PTPRS: variants seen among roughly 807,000 people sequenced by gnomAD.
PTPRS encodes the protein receptor-type tyrosine-protein phosphatase S.
Under a neutral mutation model 215.3 loss-of-function variants are expected in PTPRS, and 63 were observed. The observed-to-expected ratio is 0.29, with a 90% CI of 0.24 to 0.36. The LOEUF (loss-of-function observed/expected upper bound fraction) is 0.36, where lower values mean the gene tolerates loss of function less well. Ranked by LOEUF, PTPRS falls within the 10% of genes least tolerant of loss-of-function variation. PTPRS has a pLI of 1.00. For missense variants in PTPRS, 2,258 were observed against 2,825.8 expected, an observed-to-expected ratio of 0.80 and a Z score of 4.56; for synonymous variants, 1,404 against 1,191.4, an observed-to-expected ratio of 1.18 and a Z score of -3.68.
rs755893720 is a variant in PTPRS, at chr19:5,210,948, C to T, written c.5235-143G>A. 55 of 1,128,966 alleles carry T rather than the reference C, an allele frequency of 4.9e-5. No homozygotes were observed. Among genetic ancestry groups the T allele is most frequent in the African/African-American group, 9.4e-5 (6 of 63,692 alleles). 69.9% of individuals were successfully genotyped at this position (1,128,966 alleles called of 1,614,324 possible). A position where few individuals can be genotyped will look rare whatever the true frequency, so the allele number is the denominator to read the frequency against. On this transcript the variant is annotated intron_variant, in intron 33 of 37. Coordinates refer to ENST00000262963, the MANE Select transcript of PTPRS (RefSeq NM_002850.4). The surrounding 1 kb of genome is among the most constrained non-coding windows in gnomAD (Gnocchi z 4.5). ...GCCTGCCAGGAATGGCTGCTGGGTGCACCACTTCCCCTCCTGGTGATCCCA... is the reference window on the plus strand; with the variant it reads ...GCCTGCCAGGAATGGCTGCTGGGTGTACCACTTCCCCTCCTGGTGATCCCA...
At chr19:5,314,046 A>C (rs1031539211) in intron 1 of PTPRS, among the ~76,000 whole-genome samples, 2 of 151,994 alleles carry the variant, frequency 1.3e-5, no homozygotes, top group African/African-American at 2.4e-5. Flanking sequence ...CTAAGGTGGA[A>C]GGATCGCTTG....
intron 2 of PTPRS, among the ~76,000 whole-genome samples, chr19:5,277,500 C>CA (rs1478750708): frequency 4.6e-5 from 7 of 151,568 alleles, no homozygotes; most frequent in African/African-American, 1.7e-4. Flanking sequence ...ACTAAAAATA[C>CA]AAAAAATTAG....
chr19:5,286,655 C>T (rs2048375550), intron 1 of PTPRS, among the ~76,000 whole-genome samples: 1 of 152,164 alleles, frequency 6.6e-6, no homozygotes, highest in South Asian at 2.1e-4. Flanking sequence ...ATCTGTGTTG[C>T]CTTGATCTTG....
intron 1 of PTPRS, among the ~76,000 whole-genome samples, chr19:5,333,317 T>TA (rs35779005): frequency 6.1e-5 from 9 of 146,422 alleles, no homozygotes; most frequent in African/African-American, 1.5e-4. Flanking sequence ...AAAAAAAAAA[T>TA]AAATAAATAA....
At chr19:5,264,355 C>T (rs2046250398) in intron 5 of PTPRS, among the ~76,000 whole-genome samples, 1 of 152,202 alleles carries the variant, frequency 6.6e-6, no homozygotes, top group African/African-American at 2.4e-5. Context: ...TGCCACCTTC[C>T]ATAGCTCCCT....
chr19:5,206,757 TG>T lies in PTPRS; in HGVS notation c.*16del. The T allele has an allele frequency of 6.2e-7, 1 of 1,611,748 alleles. No homozygotes were observed. Among genetic ancestry groups the T allele is most frequent in the East Asian group, 2.2e-5 (1 of 44,848 alleles). On this transcript the variant is annotated 3_prime_UTR_variant, in exon 38 of 38. Coordinates refer to ENST00000262963, the MANE Select transcript of PTPRS (RefSeq NM_002850.4). ...CATCCGGGGCCAGTGGTGTCGGGCC[TG>T]GGGGGAACCATGGCTTTAGGTTGCA...
At chr19:5,326,859 G>C (rs2050182789) in intron 1 of PTPRS, among the ~76,000 whole-genome samples, 1 of 151,800 alleles carries the variant, frequency 6.6e-6, no homozygotes, top group South Asian at 2.1e-4. Flanking sequence ...AGGAAGGAAG[G>C]AAGGAAAGAA....
intron 1 of PTPRS, among the ~76,000 whole-genome samples, chr19:5,297,940 A>C (rs2049189359): frequency 6.6e-6 from 1 of 151,534 alleles, no homozygotes; most frequent in Non-Finnish European, 1.5e-5. Flanking sequence ...TTACAGGCGC[A>C]CACCACCACG....
intron 1 of PTPRS, among the ~76,000 whole-genome samples, chr19:5,305,697 C>G (rs1254516399): frequency 6.6e-6 from 1 of 150,540 alleles, no homozygotes; most frequent in Non-Finnish European, 1.5e-5. Context: ...CCACTGCACT[C>G]CAGCCTGGGT....
At chr19:5,221,626 CCT>C (rs2041985779) in intron 19 of PTPRS, among the ~76,000 whole-genome samples, 1 of 152,098 alleles carries the variant, frequency 6.6e-6, no homozygotes, top group Non-Finnish European at 1.5e-5. Context: ...TGGAAACCCA[CCT>C]CTGAGACCTG....
intron 1 of PTPRS, among the ~76,000 whole-genome samples, chr19:5,311,062 T>G (rs2049685975): frequency 6.6e-6 from 1 of 152,108 alleles, no homozygotes; most frequent in Non-Finnish European, 1.5e-5. Context: ...TTTATTTAAG[T>G]AGAGACGGGG....
Position 5,208,249 on chromosome 19 carries a change from G to C in PTPRS, c.5630C>G (p.Ser1877Cys). The change falls in exon 36 of 38, where the codon TCT (serine) becomes TGT (cysteine). Residue 1877 changes from serine to cysteine, a missense_variant. By Grantham distance (112) the Ser-to-Cys change is moderately radical. Transcript: ENST00000262963. The stretch of plus-strand genomic sequence containing the variant: ...CGAGGGAGCTCACCTGCAGTGGACA[G>C]AGATGGGGCCGTCCTGGCCAAACTG... ...KEQFGQDGPI[S>C]VHCSAGVGRT... 6.2e-7 allele frequency: 1 copy of C among 1,604,890 alleles called. No homozygotes were observed. Among genetic ancestry groups the C allele is most frequent in the African/African-American group, 1.3e-5 (1 of 74,876 alleles).
At chr19:5,274,943 C>T (rs2047231174) in intron 2 of PTPRS, among the ~76,000 whole-genome samples, 1 of 152,114 alleles carries the variant, frequency 6.6e-6, no homozygotes, top group South Asian at 2.1e-4. Flanking sequence ...GGTGGCTGGA[C>T]ACGAGGGGTC....
At chr19:5,230,807 T>C (rs1599544658) in intron 14 of PTPRS, among the ~76,000 whole-genome samples, 1 of 152,186 alleles carries the variant, frequency 6.6e-6, no homozygotes, top group Non-Finnish European at 1.5e-5. Context: ...TTTCTCTCCA[T>C]GATCTAGGCT....
At chr19:5,312,375 G>GC (rs1455521868) in intron 1 of PTPRS, among the ~76,000 whole-genome samples, 1 of 152,136 alleles carries the variant, frequency 6.6e-6, no homozygotes, top group Non-Finnish European at 1.5e-5. Context: ...AATAATAGCA[G>GC]CAGGGCCAGG....
intron 6 of PTPRS, 22 bp downstream of exon 6, chr19:5,262,942 G>A (rs1441891940): frequency 6.3e-6 from 10 of 1,579,098 alleles, no homozygotes; most frequent in Non-Finnish European, 7.8e-6. Flanking sequence ...AGTTGTTGAC[G>A]TGGTGATGAA....
At chr19:5,255,949 T>G (rs1005028491) in intron 9 of PTPRS, among the ~76,000 whole-genome samples, 159 bp downstream of exon 9, 1 of 151,400 alleles carries the variant, frequency 6.6e-6, no homozygotes, top group East Asian at 2.0e-4. Context: ...ATGATTCATA[T>G]TCCATCTTTT....
chr19:5,316,535 G>A (rs754847268), intron 1 of PTPRS, among the ~76,000 whole-genome samples: 6 of 152,206 alleles, frequency 3.9e-5, no homozygotes, highest in South Asian at 4.1e-4. Context: ...TGGGACCACA[G>A]ACTCACGCCA....
At chr19:5,233,608 CTG>C (rs1321546029) in intron 13 of PTPRS, among the ~76,000 whole-genome samples, 3 of 151,522 alleles carry the variant, frequency 2.0e-5, no homozygotes, top group African/African-American at 7.3e-5. Flanking sequence ...CAGGTACCTA[CTG>C]TGTGTCAAGC....
Sources: gnomAD v4.1 joint callset for allele counts (sites outside exome capture counted in the v4.1 genomes callset) on GRCh38, gnomAD v4.1.1 for gene constraint, Gnocchi (gnomAD v3.1) non-coding constraint, MANE v1.5 for transcripts, NCBI Gene and HGNC (gene_info 2026-07-23, HGNC 2026-07-21) for gene names.